Variants in ZDHHC20 observed in about 807,000 individuals in gnomAD.
ZDHHC20 encodes zDHHC palmitoyltransferase 20.
A neutral mutation model predicts 57.8 loss-of-function variants in ZDHHC20; 43 were observed. The ratio of observed to expected loss-of-function variants is 0.74; its 90% CI spans 0.58 to 0.96. The LOEUF is 0.96. Among genes scored for constraint, ZDHHC20 ranks in the 40% least tolerant of loss-of-function variants. The pLI, the probability that ZDHHC20 is intolerant of heterozygous loss-of-function variation, is 0.00. For missense variants in ZDHHC20, 391 were observed against 441.1 expected (o/e 0.89, Z 1.02); for synonymous variants, 157 against 153.0 (o/e 1.03, Z -0.19).
chr13:21,402,711 AG>A, intron 5 of ZDHHC20, 85 bp downstream of exon 5: 1 of 1,090,688 alleles, frequency 9.2e-7, no homozygotes, highest in South Asian at 1.4e-5. Flanking sequence ...TCAAGTGTAA[AG>A]CATATAAAAT....
chr13:21,447,116 G>A (rs143328583), intron 1 of ZDHHC20, among the ~76,000 whole-genome samples: 26 of 151,926 alleles, frequency 1.7e-4, no homozygotes, highest in African/African-American at 6.3e-4. Flanking sequence ...GGTTTACAAG[G>A]ATACTACAAT....
At chr13:21,384,517 TGA>T (rs1874094380) in intron 9 of ZDHHC20, among the ~76,000 whole-genome samples, 1 of 149,044 alleles carries the variant, frequency 6.7e-6, no homozygotes, top group Non-Finnish European at 1.5e-5. Context: ...GGGACAGAGT[TGA>T]GAGAGAGCAA....
chr13:21,422,117 A>G (rs1463116458), intron 2 of ZDHHC20, among the ~76,000 whole-genome samples: 2 of 152,130 alleles, frequency 1.3e-5, no homozygotes, highest in Non-Finnish European at 2.9e-5. Context: ...ATAAATCCTC[A>G]ATAAATACTG....
intron 6 of ZDHHC20, 133 bp downstream of exon 6, chr13:21,401,520 T>C (rs1877621606): frequency 1.4e-6 from 1 of 715,710 alleles, no homozygotes; most frequent in Non-Finnish European, 2.3e-6. Context: ...TACATACAAA[T>C]CTATGCATAT....
chr13:21,396,170 T>C (rs1462483473), intron 7 of ZDHHC20, among the ~76,000 whole-genome samples: 1 of 152,184 alleles, frequency 6.6e-6, no homozygotes, highest in Non-Finnish European at 1.5e-5. Context: ...TGGTGCTTCC[T>C]ATCCTGGGGC....
chr13:21,379,825 C>CTTTTTGT (rs1555253666), intron 11 of ZDHHC20, among the ~76,000 whole-genome samples: 1 of 137,732 alleles, frequency 7.3e-6, no homozygotes. Context: ...TTTCTTTTTT[C>CTTTTTGT]TTTTTTTTTG....
intron 2 of ZDHHC20, among the ~76,000 whole-genome samples, chr13:21,425,327 T>G (rs551993170): frequency 1.2e-4 from 18 of 152,214 alleles, no homozygotes; most frequent in Admixed American, 1.0e-3. Context: ...TAGCTAGAAC[T>G]CATATTAAAA....
chr13:21,455,790 T>C (rs1884875495), intron 1 of ZDHHC20, among the ~76,000 whole-genome samples: 1 of 152,130 alleles, frequency 6.6e-6, no homozygotes, highest in African/African-American at 2.4e-5. Flanking sequence ...GTCTGAGATA[T>C]TTAGGAATCT....
chr13:21,454,806 T>A (rs948713317), intron 1 of ZDHHC20, among the ~76,000 whole-genome samples: 6 of 152,222 alleles, frequency 3.9e-5, no homozygotes, highest in Non-Finnish European at 8.8e-5. Flanking sequence ...CACAAGTAAA[T>A]ATTTAATACA....
intron 2 of ZDHHC20, among the ~76,000 whole-genome samples, chr13:21,423,798 C>A (rs1482727571): frequency 6.6e-6 from 1 of 151,610 alleles, no homozygotes; most frequent in Non-Finnish European, 1.5e-5. Context: ...GCTATGATAA[C>A]ACTGAGACCA....
intron 1 of ZDHHC20, among the ~76,000 whole-genome samples, chr13:21,442,224 A>G (rs990283573): frequency 2.1e-4 from 32 of 152,066 alleles, no homozygotes; most frequent in African/African-American, 7.5e-4. Flanking sequence ...TTGTATATCT[A>G]TCATTTTTTC....
At chr13:21,424,512 A>C (rs1055296017) in intron 2 of ZDHHC20, among the ~76,000 whole-genome samples, 1 of 152,178 alleles carries the variant, frequency 6.6e-6, no homozygotes, top group South Asian at 2.1e-4. Flanking sequence ...GATCGAGACC[A>C]TCCTGACTAA....
intron 11 of ZDHHC20, among the ~76,000 whole-genome samples, chr13:21,379,493 G>A (rs911631672): frequency 6.6e-6 from 1 of 152,062 alleles, no homozygotes; most frequent in Non-Finnish European, 1.5e-5. Context: ...TATGGCCCAG[G>A]CTGGTCTCAA....
chr13:21,417,329 T>C (rs1215572000), intron 3 of ZDHHC20, among the ~76,000 whole-genome samples: 1 of 152,216 alleles, frequency 6.6e-6, no homozygotes, highest in African/African-American at 2.4e-5. Flanking sequence ...CACAGTCTGA[T>C]ATCCGGTGGG....
intron 1 of ZDHHC20, among the ~76,000 whole-genome samples, chr13:21,433,802 C>A (rs1034365772): frequency 2.0e-5 from 3 of 152,158 alleles, no homozygotes; most frequent in African/African-American, 7.2e-5. Flanking sequence ...CGTAGCTCTC[C>A]ATTTTAGATT....
In ZDHHC20 at chr13:21,458,758, G is replaced by A. The variant is rs1593297832; in HGVS notation, c.118+296C>T. ...CCGTTCTGCACGTTCCTTCCCAGAA[G>A]GATGCAGACCCCCGGTGTCGGCGGG... On this transcript the variant is annotated intron_variant, in intron 1 of 12. Coordinates refer to ENST00000400590, the MANE Select transcript of ZDHHC20 (RefSeq NM_001330059.2). Among the ~76,000 whole-genome samples, 5 of 152,350 alleles carry A rather than the reference G, an allele frequency of 3.3e-5. No homozygotes were observed. In the East Asian group the frequency reaches 9.6e-4, roughly 29 times the overall value.
chr13:21,389,013 A>G (rs1875135933), intron 8 of ZDHHC20, among the ~76,000 whole-genome samples: 1 of 152,242 alleles, frequency 6.6e-6, no homozygotes, highest in African/African-American at 2.4e-5. Flanking sequence ...GTACATCAGA[A>G]TACAGCAAAT....
chr13:21,446,894 G>A (rs1370717148), intron 1 of ZDHHC20, among the ~76,000 whole-genome samples: 2 of 152,252 alleles, frequency 1.3e-5, no homozygotes, highest in East Asian at 3.9e-4. Context: ...AGAGTGGAAA[G>A]GAAATTATGT....
intron 2 of ZDHHC20, among the ~76,000 whole-genome samples, chr13:21,424,649 T>C (rs1319515472): frequency 6.6e-6 from 1 of 151,428 alleles, no homozygotes; most frequent in East Asian, 1.9e-4. Context: ...AGGCGGAGCT[T>C]GCAGTGAGCC....
Sources: gnomAD v4.1 joint callset for allele counts (sites outside exome capture counted in the v4.1 genomes callset) on GRCh38, gnomAD v4.1.1 for gene constraint, MANE v1.5 for transcripts, NCBI Gene and HGNC (gene_info 2026-07-23, HGNC 2026-07-21) for gene names.